The following JARID2 variants were observed in gnomAD, a reference collection of about 807,000 sequenced individuals.
JARID2 encodes the protein jumonji and AT-rich interaction domain containing 2, also known as protein Jumonji.
A neutral mutation model predicts 125.6 loss-of-function variants in JARID2; 21 were observed. The observed-to-expected ratio is 0.17, with a 90% confidence interval of 0.12 to 0.24. The LOEUF is 0.24. JARID2 is among the 10% of genes least tolerant of loss of function. The pLI is 1.00. For missense variants in JARID2, 1,303 were observed against 1,639.6 expected (o/e 0.79, Z 3.55); for synonymous variants, 736 against 661.6 (o/e 1.11, Z -1.73).
chr6:15,452,391 A>G (rs1767957832), intron 4 of JARID2, among the ~76,000 whole-genome samples: 1 of 151,258 alleles, frequency 6.6e-6, no homozygotes, highest in Non-Finnish European at 1.5e-5. Context: ...TTTTAATATG[A>G]CTCTTAACAC....
At chr6:15,320,844 C>CTGTGTGTGTGTG (rs1224133607) in intron 1 of JARID2, among the ~76,000 whole-genome samples, 1 of 136,720 alleles carries the variant, frequency 7.3e-6, no homozygotes, top group African/African-American at 2.9e-5. Flanking sequence ...TTCATTCTCT[C>CTGTGTGTGTGTG]TCTCTCTCTG....
intron 5 of JARID2, among the ~76,000 whole-genome samples, chr6:15,477,941 G>A (rs909223632): frequency 5.3e-5 from 8 of 152,192 alleles, no homozygotes; most frequent in Non-Finnish European, 1.0e-4. Context: ...TGAGTGTTGT[G>A]ACATCATCAG....
At chr6:15,413,008 G>GTTTTT (rs1041543140) in intron 3 of JARID2, among the ~76,000 whole-genome samples, 1,424 of 47,280 alleles carry the variant, frequency 0.03, 128 homozygotes, top group East Asian at 0.048. Flanking sequence ...TTGTGTTTTT[G>GTTTTT]TTTTTTTTTT....
intron 1 of JARID2, among the ~76,000 whole-genome samples, chr6:15,356,666 C>T (rs572951973): frequency 7.2e-5 from 11 of 152,180 alleles, no homozygotes; most frequent in East Asian, 3.9e-4. Flanking sequence ...TAGAGACAAG[C>T]GACTGAGTTG....
intron 2 of JARID2, among the ~76,000 whole-genome samples, chr6:15,405,340 T>C (rs1252700380): frequency 6.6e-6 from 1 of 152,212 alleles, no homozygotes; most frequent in Admixed American, 6.5e-5. Context: ...TTCTGTTGTG[T>C]TCAATTTCTT....
At chr6:15,415,827 C>CCCCCCCCT (rs1554134040) in intron 3 of JARID2, among the ~76,000 whole-genome samples, 4 of 135,646 alleles carry the variant, frequency 2.9e-5, no homozygotes, top group African/African-American at 5.5e-5. Flanking sequence ...GGGGCTGACC[C>CCCCCCCCT]CCCCACCTCC....
intron 1 of JARID2, among the ~76,000 whole-genome samples, chr6:15,250,525 C>G (rs981813381): frequency 6.6e-6 from 1 of 152,134 alleles, no homozygotes; most frequent in South Asian, 2.1e-4. Context: ...GGCAGTTTAG[C>G]TCCTATCACT....
chr6:15,292,987 T>C (rs1420464398), intron 1 of JARID2, among the ~76,000 whole-genome samples: 1 of 152,254 alleles, frequency 6.6e-6, no homozygotes, highest in Non-Finnish European at 1.5e-5. Flanking sequence ...TGTAATATTT[T>C]TTTAGTTTGA....
intron 4 of JARID2, among the ~76,000 whole-genome samples, chr6:15,455,849 A>G (rs997697828): frequency 4.6e-5 from 7 of 152,218 alleles, no homozygotes; most frequent in African/African-American, 1.7e-4. Context: ...TTTAAAGAGT[A>G]ACTATGACTT....
chr6:15,345,815 T>C (rs529908124), intron 1 of JARID2, among the ~76,000 whole-genome samples: 1 of 152,322 alleles, frequency 6.6e-6, no homozygotes, highest in Non-Finnish European at 1.5e-5. Context: ...GCTGGGAGTC[T>C]GTTACTGGGT....
chr6:15,513,996 T>C (rs955299310), intron 16 of JARID2, among the ~76,000 whole-genome samples: 11 of 152,224 alleles, frequency 7.2e-5, no homozygotes, highest in African/African-American at 2.7e-4. Context: ...GCACAGCCAC[T>C]CCAGGCCACA....
intron 5 of JARID2, among the ~76,000 whole-genome samples, chr6:15,474,921 C>T (rs970186627): frequency 2.0e-5 from 3 of 152,184 alleles, no homozygotes; most frequent in Non-Finnish European, 4.4e-5. Flanking sequence ...ACTGTTGCAT[C>T]CTCCAAGCAA....
chr6:15,517,305 C>A, intron 17 of JARID2, 37 bp downstream of exon 17: 1 of 1,426,640 alleles, frequency 7.0e-7, no homozygotes, highest in Non-Finnish European at 9.9e-7. Context: ...AGGGCGGCAG[C>A]GTGGCGCCTT....
intron 1 of JARID2, among the ~76,000 whole-genome samples, chr6:15,362,014 G>T (rs1763813549): frequency 6.7e-6 from 1 of 149,802 alleles, no homozygotes; most frequent in Non-Finnish European, 1.5e-5. Flanking sequence ...TCATGTCTTA[G>T]CCTCCAGAGT....
intron 1 of JARID2, chr6:15,247,761 C>T (rs1438048078): frequency 1.0e-6 from 1 of 985,188 alleles, no homozygotes; most frequent in Non-Finnish European, 1.2e-6. Context: ...CTAGACACGT[C>T]AACTTCAACT....
In JARID2 at chr6:15,513,300, T is replaced by C; in HGVS notation, c.3328T>C (p.Tyr1110His). 6.2e-7 allele frequency: 1 copy of C among 1,603,550 alleles called. No homozygotes were observed. Among genetic ancestry groups the C allele is most frequent in the South Asian group, 1.1e-5 (1 of 89,482 alleles). ...GGCTGGCCTCCACTCCTCCGCACGC[T>C]ATGGCAGCCACGATGGCAGCAGCAC... ...FEAGLHSSARYGSHDGSSTVA... is the reference protein window; with the variant it reads ...FEAGLHSSARHGSHDGSSTVA... Residue 1110 changes from tyrosine to histidine, a missense_variant, in exon 16 of 18, where the codon TAT (tyrosine) becomes CAT (histidine). Tyr to His is a moderately conservative substitution (Grantham distance 83, BLOSUM62 2). This residue lies in a region of JARID2 where 190 missense variants were observed against 341.4 expected (regional missense o/e 0.56). Coordinates refer to ENST00000341776, the MANE Select transcript of JARID2 (RefSeq NM_004973.4).
At chr6:15,511,957 C>CA (rs1771300288) in intron 13 of JARID2, among the ~76,000 whole-genome samples, 1 of 152,228 alleles carries the variant, frequency 6.6e-6, no homozygotes, top group South Asian at 2.1e-4. Flanking sequence ...CCAGCCCTGG[C>CA]ATTGCCACGT....
At chr6:15,378,900 C>T (rs1341674266) in intron 2 of JARID2, among the ~76,000 whole-genome samples, 1 of 152,140 alleles carries the variant, frequency 6.6e-6, no homozygotes, top group Non-Finnish European at 1.5e-5. Flanking sequence ...TGTGACATCT[C>T]CTGAATCATT....
chr6:15,372,052 A>G (rs1764190529), intron 1 of JARID2, among the ~76,000 whole-genome samples: 2 of 152,204 alleles, frequency 1.3e-5, no homozygotes. Flanking sequence ...AAGCTTAACG[A>G]AAGTGCAGCT....
Sources: allele counts gnomAD v4.1 joint callset (sites outside exome capture counted in the v4.1 genomes callset), GRCh38; gene constraint gnomAD v4.1.1; regional missense constraint gnomAD v4.1.1; transcripts MANE v1.5; gene names NCBI Gene and HGNC (gene_info 2026-07-23, HGNC 2026-07-21).